Variants in CARNMT1 observed in about 807,000 individuals in gnomAD.
CARNMT1 encodes the protein protein-L-histidine N-pros-methyltransferase CARNMT1.
CARNMT1 carries 28 observed loss-of-function variants against 49.6 expected under a neutral mutation model. That is an observed-to-expected ratio of 0.56 (90% CI 0.42 to 0.77). The LOEUF (loss-of-function observed/expected upper bound fraction) is 0.77, where lower values mean the gene tolerates loss of function less well. Among genes scored for constraint, CARNMT1 ranks in the 30% least tolerant of loss-of-function variants. The probability of loss-of-function intolerance (pLI) is 0.00; values close to 1 mark genes in which losing one functional copy is unlikely to be tolerated. For missense variants in CARNMT1, 421 were observed against 512.6 expected, an observed-to-expected ratio of 0.82 and a Z score of 1.73; for synonymous variants, 178 against 175.0, an observed-to-expected ratio of 1.02 and a Z score of -0.13.
chr9:75,018,637 A>G (rs1408330590), intron 1 of CARNMT1, among the ~76,000 whole-genome samples: 3 of 152,290 alleles, frequency 2.0e-5, no homozygotes, highest in South Asian at 4.1e-4. Context: ...AATGGGCCCC[A>G]TGAAACATGA....
intron 6 of CARNMT1, among the ~76,000 whole-genome samples, chr9:74,994,430 T>C (rs1413270889): frequency 6.6e-6 from 1 of 152,182 alleles, no homozygotes; most frequent in Non-Finnish European, 1.5e-5. Flanking sequence ...ATTTTCTGTT[T>C]TGTTTTGGCT....
At chr9:75,016,176 A>T (rs544969137) in intron 3 of CARNMT1, 92 bp downstream of exon 3, 2 of 953,912 alleles carry the variant, frequency 2.1e-6, no homozygotes, top group East Asian at 2.4e-5. Context: ...CACAGCAACT[A>T]TAACAATGAA....
intron 6 of CARNMT1, among the ~76,000 whole-genome samples, chr9:74,985,944 T>C (rs1384314224): frequency 6.6e-6 from 1 of 152,204 alleles, no homozygotes; most frequent in Non-Finnish European, 1.5e-5. Flanking sequence ...ACTAAGTAAA[T>C]GGCAGGTATT....
Position 74,998,655 on chromosome 9 carries a change from G to A in CARNMT1, c.853C>T (p.Pro285Ser), listed in dbSNP as rs1339920101. ...GCTGTCATAGAAAAGTTAGAACCAG[G>A]AGGAAGACTGTGGGGGTCAACATCA... Reference protein sequence around the residue: ...FPDVDPHSLPPGSNFSMTAGD... With the variant: ...FPDVDPHSLPSGSNFSMTAGD... Residue 285 changes from proline to serine, a missense_variant, in exon 5 of 8, where the codon CCT becomes TCT. Coordinates refer to ENST00000376834, the MANE Select transcript of CARNMT1 (RefSeq NM_152420.3). The A allele has an allele frequency of 6.2e-7, 1 of 1,606,592 alleles. No individual in the cohort carries two copies. The highest frequency in any genetic ancestry group is 8.5e-7 in the Non-Finnish European group (1 of 1,176,616).
At chr9:75,013,657 A>G (rs1474819040) in intron 3 of CARNMT1, among the ~76,000 whole-genome samples, 1 of 152,160 alleles carries the variant, frequency 6.6e-6, no homozygotes, top group Non-Finnish European at 1.5e-5. Flanking sequence ...AAGGTACAGA[A>G]TACATGTATG....
chr9:74,996,791 A>C (rs1833200105), intron 5 of CARNMT1, among the ~76,000 whole-genome samples: 1 of 152,200 alleles, frequency 6.6e-6, no homozygotes, highest in Non-Finnish European at 1.5e-5. Flanking sequence ...CCCCAATAAC[A>C]CTAATATTAT....
chr9:75,016,446 G>C lies in CARNMT1; in HGVS notation c.427-15C>G. 1.2e-6 allele frequency: 2 copies of C among 1,612,590 alleles called. No individual in the cohort carries two copies. The highest frequency in any genetic ancestry group is 1.7e-6 in the Non-Finnish European group (2 of 1,179,330). ...TTTCCATTCCCCTGTTTAAAAAACAGACATCAATTAGCTTCTGAGAGAGTA... is the reference window on the plus strand; with the variant it reads ...TTTCCATTCCCCTGTTTAAAAAACACACATCAATTAGCTTCTGAGAGAGTA... On this transcript the variant is annotated splice_polypyrimidine_tract_variant and intron_variant, in intron 2 of 7. Coordinates refer to ENST00000376834, the MANE Select transcript of CARNMT1 (RefSeq NM_152420.3).
At chr9:75,019,404 G>C (rs1833937212) in intron 1 of CARNMT1, among the ~76,000 whole-genome samples, 1 of 152,184 alleles carries the variant, frequency 6.6e-6, no homozygotes, top group African/African-American at 2.4e-5. Flanking sequence ...ACAAAGCCAT[G>C]TTTCCTAGGG....
chr9:74,992,178 A>G (rs1564092974), intron 6 of CARNMT1, among the ~76,000 whole-genome samples: 2 of 152,074 alleles, frequency 1.3e-5, no homozygotes, highest in Admixed American at 6.6e-5. Context: ...AGGCTGAGGC[A>G]TAAGAATCGC....
chr9:74,987,915 T>C (rs1214712148), intron 6 of CARNMT1, among the ~76,000 whole-genome samples: 1 of 152,182 alleles, frequency 6.6e-6, no homozygotes, highest in Non-Finnish European at 1.5e-5. Context: ...GTTTTTCATA[T>C]TCACGACCTA....
At chr9:75,017,892 T>G (rs1468811233) in intron 1 of CARNMT1, among the ~76,000 whole-genome samples, 1 of 152,132 alleles carries the variant, frequency 6.6e-6, no homozygotes, top group Non-Finnish European at 1.5e-5. Flanking sequence ...TTAAATATCA[T>G]AGAAGATCTT....
chr9:74,997,800 T>C (rs533802194), intron 5 of CARNMT1, among the ~76,000 whole-genome samples: 18 of 152,210 alleles, frequency 1.2e-4, no homozygotes, highest in African/African-American at 4.3e-4. Context: ...CCTTACAATA[T>C]TGTATTTGTT....
chr9:75,005,086 A>G (rs1399402108), intron 3 of CARNMT1, among the ~76,000 whole-genome samples: 2 of 152,184 alleles, frequency 1.3e-5, no homozygotes, highest in Admixed American at 1.3e-4. Flanking sequence ...TTCAATACAT[A>G]CAGGTCTGAC....
chr9:75,003,614 T>A (rs1326305127), intron 3 of CARNMT1, among the ~76,000 whole-genome samples: 3 of 152,262 alleles, frequency 2.0e-5, no homozygotes, highest in Middle Eastern at 3.2e-3. Context: ...ACACAGAGCT[T>A]CCTTAACTCA....
At chr9:75,007,591 T>C (rs752768397) in intron 3 of CARNMT1, among the ~76,000 whole-genome samples, 2 of 151,576 alleles carry the variant, frequency 1.3e-5, no homozygotes, top group Non-Finnish European at 2.9e-5. Flanking sequence ...TAGCCAGGTG[T>C]GGTGTTGGGC....
chr9:75,010,701 T>C (rs1833665642), intron 3 of CARNMT1, among the ~76,000 whole-genome samples: 1 of 152,180 alleles, frequency 6.6e-6, no homozygotes, highest in Non-Finnish European at 1.5e-5. Context: ...TAGATCTACC[T>C]AAACCCCAAG....
chr9:75,004,741 T>A (rs996042679), intron 3 of CARNMT1, among the ~76,000 whole-genome samples: 4 of 152,180 alleles, frequency 2.6e-5, no homozygotes, highest in Non-Finnish European at 5.9e-5. Context: ...AATGCCCAAC[T>A]ATATAAAAGA....
intron 3 of CARNMT1, among the ~76,000 whole-genome samples, chr9:75,008,005 T>C (rs1833568098): frequency 2.0e-5 from 3 of 151,944 alleles, no homozygotes; most frequent in Non-Finnish European, 4.4e-5. Context: ...CAGTTGTGCT[T>C]CTATTACATT....
At chr9:74,992,220 C>T (rs969727113) in intron 6 of CARNMT1, among the ~76,000 whole-genome samples, 16 of 151,296 alleles carry the variant, frequency 1.1e-4, no homozygotes, top group African/African-American at 3.4e-4. Context: ...TGCAGTGAGC[C>T]GAGATGGTAC....
Sources: gnomAD v4.1 joint callset for allele counts (sites outside exome capture counted in the v4.1 genomes callset) on GRCh38, gnomAD v4.1.1 for gene constraint, MANE v1.5 for transcripts, NCBI Gene and HGNC (gene_info 2026-07-23, HGNC 2026-07-21) for gene names.